Variants in ERAP2 observed in about 807,000 individuals in gnomAD.
The protein encoded by ERAP2 is leukocyte-derived arginine aminopeptidase.
A neutral mutation model predicts 111.1 loss-of-function variants in ERAP2; 118 were observed. That is an observed-to-expected ratio of 1.06 (90% CI 0.92 to 1.24). ERAP2 has a LOEUF of 1.24. Among genes scored for constraint, ERAP2 ranks in the 50% most tolerant of loss-of-function variants. The probability of loss-of-function intolerance (pLI) is 0.00; values close to 1 mark genes in which losing one functional copy is unlikely to be tolerated. For missense variants in ERAP2, 1,131 were observed against 1,125.8 expected, an observed-to-expected ratio of 1.00 and a Z score of -0.07; for synonymous variants, 410 against 401.2, an observed-to-expected ratio of 1.02 and a Z score of -0.26.
rs1298168682 is a variant in ERAP2 at position 96,912,806 on chromosome 5, C to T, written c.2516+8C>T. On this transcript the variant is annotated splice_region_variant and intron_variant, in intron 16 of 18. Transcript: ENST00000437043. Reference sequence around the variant, plus strand: ...TCAGGAAAAGTTACTGAAGTAAGTTCAATAATTTAACTAAATTGTTATAAG... The same window carrying T: ...TCAGGAAAAGTTACTGAAGTAAGTTTAATAATTTAACTAAATTGTTATAAG... The T allele has an allele frequency of 1.9e-6, 3 of 1,582,784 alleles. No homozygotes were observed. The South Asian group carries it at 3.5e-5, about 19-fold the overall frequency.
intron 13 of ERAP2, among the ~76,000 whole-genome samples, chr5:96,904,975 A>G (rs577130097): frequency 5.0e-4 from 76 of 151,918 alleles, no homozygotes; most frequent in African/African-American, 1.6e-3. Flanking sequence ...GAGCTTGGAC[A>G]AGTTTTGTTT....
intron 11 of ERAP2, 143 bp downstream of exon 11, chr5:96,901,824 T>A (rs1785503418): frequency 1.3e-6 from 1 of 790,510 alleles, no homozygotes; most frequent in Middle Eastern, 3.9e-4. Context: ...CTTGATAAGA[T>A]TTAAAGAGCT....
intron 1 of ERAP2, among the ~76,000 whole-genome samples, chr5:96,876,730 T>A (rs1020384242): frequency 1.3e-5 from 2 of 152,196 alleles, no homozygotes; most frequent in African/African-American, 4.8e-5. Flanking sequence ...GCTGCTGCAC[T>A]GACTCTCTTT....
chr5:96,913,442 C>T lies in ERAP2; in HGVS notation c.2642C>T (p.Thr881Ile). ...TGGGATTTTGTAAGAGAAAATTGGACCCATCTTCTGAAAAAGTTGGTATTC... is the reference window on the plus strand; with the variant it reads ...TGGGATTTTGTAAGAGAAAATTGGATCCATCTTCTGAAAAAGTTGGTATTC... ...LAWDFVRENW[T>I]HLLKKFDLGS... is the part of the protein sequence containing the mutation. The change falls in exon 17 of 19, where the codon ACC becomes ATC. Residue 881 changes from threonine (T) to isoleucine (I), a missense_variant. Physicochemically the swap from Thr to Ile is moderately conservative, Grantham distance 89. Coordinates refer to ENST00000437043, the MANE Select transcript of ERAP2 (RefSeq NM_022350.5). 1 of 1,614,000 alleles carries T rather than the reference C, an allele frequency of 6.2e-7. No individual in the cohort carries two copies. The highest frequency in any genetic ancestry group is 1.1e-5 in the South Asian group (1 of 91,058).
intron 12 of ERAP2, chr5:96,902,906 T>C (rs1269665286): frequency 6.5e-6 from 1 of 154,648 alleles, no homozygotes; most frequent in East Asian, 1.9e-4. Context: ...TTTAATTTTC[T>C]TCTAAACACT....
Position 96,901,748 on chromosome 5 carries a change from C to A in ERAP2, c.1748+67C>A. 4.0e-6 allele frequency: 6 copies of A among 1,510,338 alleles called. No homozygotes were observed. The South Asian group carries it at 7.2e-5, about 18-fold the overall frequency. The allele number at this position is 1,510,338 out of a possible 1,614,324, so 93.6% of individuals were successfully genotyped here. On this transcript the variant is annotated intron_variant, in intron 11 of 18. Transcript: ENST00000437043. Reference sequence around the variant, plus strand: ...GTTTCCTCGTTATTTCCTTAGCTTTCTCTCAGCTCATCTGGCAACTTTGTA... The same window carrying A: ...GTTTCCTCGTTATTTCCTTAGCTTTATCTCAGCTCATCTGGCAACTTTGTA...
chr5:96,910,647 T>C (rs1445105456), intron 15 of ERAP2, among the ~76,000 whole-genome samples: 2 of 152,246 alleles, frequency 1.3e-5, no homozygotes, highest in Non-Finnish European at 2.9e-5. Flanking sequence ...CTACAGTAGA[T>C]ATAAGTGTTC....
intron 13 of ERAP2, among the ~76,000 whole-genome samples, chr5:96,904,249 A>C (rs1178336908): frequency 1.3e-5 from 2 of 152,198 alleles, no homozygotes; most frequent in African/African-American, 4.8e-5. Flanking sequence ...GAACAGAATA[A>C]TGTGTGGAAT....
At position 96,891,576 on chromosome 5, in the gene ERAP2, C is replaced by T. The variant is rs1357504468; in HGVS notation, c.971-723C>T. ...CACACACACACACATATATGGTACACACACACACACACACACACGTAATGC... is the reference window on the plus strand; with the variant it reads ...CACACACACACACATATATGGTACATACACACACACACACACACGTAATGC... On this transcript the variant is annotated intron_variant, in intron 5 of 18. Transcript: ENST00000437043. 7.2e-3 allele frequency among the ~76,000 whole-genome samples: 1,069 copies of T among 147,820 alleles called. 16 individuals are homozygous for T. Among genetic ancestry groups the T allele is most frequent in the African/African-American group, 0.016 (662 of 40,190 alleles).
rs142470147 is a variant in ERAP2 at position 96,909,074 on chromosome 5, T to C, written c.2126T>C (p.Met709Thr). The change falls in exon 14 of 19, where the codon ATG (methionine) becomes ACG (threonine). Residue 709 changes from methionine (M) to threonine (T), a missense_variant. Coordinates refer to ENST00000437043, the MANE Select transcript of ERAP2 (RefSeq NM_022350.5). ...GLSYLESFYHMMDRRNISDIS... is the reference protein window; with the variant it reads ...GLSYLESFYHTMDRRNISDIS... The stretch of plus-strand genomic sequence containing the variant: ...AGTTACTTGGAATCGTTTTACCACA[T>C]GATGGACAGAAGGAATATTTCAGAT... The C allele has an allele frequency of 3.1e-6, 5 of 1,614,118 alleles. No individual in the cohort carries two copies. In the African/African-American group the frequency reaches 5.3e-5, roughly 17 times the overall value.
rs187639798 is a variant in ERAP2, at chr5:96,887,718, A to G, written c.849+929A>G. ...ACCTAATGATTATCTTTGTAGTTAAATATTTGCAAACATCAGTGAACACAT... is the reference window on the plus strand; with the variant it reads ...ACCTAATGATTATCTTTGTAGTTAAGTATTTGCAAACATCAGTGAACACAT... On this transcript the variant is annotated intron_variant, in intron 4 of 18. Coordinates refer to ENST00000437043, the MANE Select transcript of ERAP2 (RefSeq NM_022350.5). Among the ~76,000 whole-genome samples, 417 of 152,380 alleles carry G rather than the reference A, an allele frequency of 2.7e-3. 2 individuals are homozygous for G. Among genetic ancestry groups the G allele is most frequent in the African/African-American group, 9.4e-3 (390 of 41,592 alleles).
chr5:96,903,360 C>T lies in ERAP2; in HGVS notation c.1829-17C>T. 1.3e-6 allele frequency: 2 copies of T among 1,586,110 alleles called. No homozygotes were observed. Among genetic ancestry groups the T allele is most frequent in the Non-Finnish European group, 1.7e-6 (2 of 1,167,476 alleles). On this transcript the variant is annotated splice_polypyrimidine_tract_variant and intron_variant, in intron 12 of 18. Coordinates refer to ENST00000437043, the MANE Select transcript of ERAP2 (RefSeq NM_022350.5). ...TTTGTTGATAATAAAATGCCTATGCCAATCTTATCCTCTTAGATACTCTGG... is the reference window on the plus strand; with the variant it reads ...TTTGTTGATAATAAAATGCCTATGCTAATCTTATCCTCTTAGATACTCTGG...
intron 13 of ERAP2, among the ~76,000 whole-genome samples, chr5:96,907,197 A>T (rs1010040186): frequency 2.6e-5 from 4 of 152,234 alleles, no homozygotes; most frequent in African/African-American, 7.2e-5. Context: ...CTTTAAGCTA[A>T]ACAAACATTC....
chr5:96,914,230 C>T (rs760739670), intron 17 of ERAP2, among the ~76,000 whole-genome samples: 1 of 151,942 alleles, frequency 6.6e-6, no homozygotes, highest in East Asian at 1.9e-4. Flanking sequence ...TCATTTATGA[C>T]TTATATGAAA....
chr5:96,914,998 AT>A (rs1358155909), intron 17 of ERAP2, among the ~76,000 whole-genome samples: 5 of 151,812 alleles, frequency 3.3e-5, no homozygotes, highest in African/African-American at 7.3e-5. Flanking sequence ...TATGCATATA[AT>A]TTTTTTTAAT....
Position 96,912,597 on chromosome 5 carries a change from T to C in ERAP2, c.2355-40T>C, listed in dbSNP as rs763883596. 3.2e-5 allele frequency: 49 copies of C among 1,550,452 alleles called. No individual in the cohort carries two copies. In the South Asian group the frequency reaches 5.7e-4, roughly 18 times the overall value. Reference sequence around the variant, plus strand: ...TTGTCATAAGAAAAAAGTTTTTCTTTCATAAAACTTTTTCTTCATTTTTAT... The same window carrying C: ...TTGTCATAAGAAAAAAGTTTTTCTTCCATAAAACTTTTTCTTCATTTTTAT... On this transcript the variant is annotated intron_variant, in intron 15 of 18. Coordinates refer to ENST00000437043, the MANE Select transcript of ERAP2 (RefSeq NM_022350.5).
At chr5:96,914,111 A>G (rs1427850009) in intron 17 of ERAP2, among the ~76,000 whole-genome samples, 1 of 148,404 alleles carries the variant, frequency 6.7e-6, no homozygotes, top group Non-Finnish European at 1.5e-5. Flanking sequence ...TGGAATGTAT[A>G]AGACAGCATT....
chr5:96,882,626 G>GT (rs1190727355), intron 2 of ERAP2, among the ~76,000 whole-genome samples: 12 of 152,158 alleles, frequency 7.9e-5, no homozygotes, highest in African/African-American at 2.2e-4. Context: ...AAAGATTCAG[G>GT]TTTTTTTGTT....
chr5:96,887,483 A>G (rs2151134814), intron 4 of ERAP2, among the ~76,000 whole-genome samples: 1 of 152,102 alleles, frequency 6.6e-6, no homozygotes, highest in South Asian at 2.1e-4. Flanking sequence ...GTATATTTGT[A>G]GAGATGGGGT....
Sources: allele counts gnomAD v4.1 joint callset (sites outside exome capture counted in the v4.1 genomes callset), GRCh38; gene constraint gnomAD v4.1.1; transcripts MANE v1.5; gene names NCBI Gene and HGNC (gene_info 2026-07-23, HGNC 2026-07-21).